NRG3: variants seen among roughly 807,000 people sequenced by gnomAD.
NRG3 encodes neuregulin 3.
Under a neutral mutation model 66.9 loss-of-function variants are expected in NRG3, and 31 were observed. The ratio of observed to expected loss-of-function variants is 0.46; its 90% CI spans 0.35 to 0.63. The LOEUF (loss-of-function observed/expected upper bound fraction) is 0.63, where lower values mean the gene tolerates loss of function less well. Ranked by LOEUF, NRG3 falls within the 20% of genes least tolerant of loss-of-function variation. The pLI is 0.00. For missense variants in NRG3, 910 were observed against 878.9 expected, an observed-to-expected ratio of 1.04 and a Z score of -0.45; for synonymous variants, 393 against 359.4, an observed-to-expected ratio of 1.09 and a Z score of -1.06.
At chr10:82,717,326 A>G (rs2057032483) in intron 2 of NRG3, among the ~76,000 whole-genome samples, 1 of 149,508 alleles carries the variant, frequency 6.7e-6, no homozygotes, top group Admixed American at 6.7e-5. Context: ...CTGTTTCTCT[A>G]GTGGGTCCAT....
intron 1 of NRG3, among the ~76,000 whole-genome samples, chr10:82,128,567 A>T (rs2068607793): frequency 6.6e-6 from 1 of 152,064 alleles, no homozygotes; most frequent in Non-Finnish European, 1.5e-5. Flanking sequence ...TATATCTTTA[A>T]TGCTGCATTG....
chr10:82,977,476 G>A (rs1852396081), intron 7 of NRG3, among the ~76,000 whole-genome samples: 1 of 151,940 alleles, frequency 6.6e-6, no homozygotes, highest in Non-Finnish European at 1.5e-5. Flanking sequence ...TGCCATTGTG[G>A]GGGGCACCTG....
intron 6 of NRG3, among the ~76,000 whole-genome samples, chr10:82,969,342 T>C (rs562868983): frequency 6.6e-6 from 1 of 152,364 alleles, no homozygotes; most frequent in African/African-American, 2.4e-5. Flanking sequence ...ATTCAGGATA[T>C]CATCGCACTT....
At chr10:82,623,498 C>T (rs889339176) in intron 2 of NRG3, among the ~76,000 whole-genome samples, 1 of 152,154 alleles carries the variant, frequency 6.6e-6, no homozygotes. Context: ...ATCCATCCCA[C>T]ACTTTGGCAT....
At chr10:82,367,533 TAAA>T (rs780859860) in intron 2 of NRG3, among the ~76,000 whole-genome samples, 5 of 152,092 alleles carry the variant, frequency 3.3e-5, no homozygotes, top group Non-Finnish European at 7.4e-5. Flanking sequence ...TTTAAAAAGA[TAAA>T]AATCTTTTTA....
intron 4 of NRG3, among the ~76,000 whole-genome samples, chr10:82,918,847 A>G (rs567535919): frequency 5.9e-4 from 90 of 152,324 alleles, no homozygotes; most frequent in Non-Finnish European, 9.8e-4. Flanking sequence ...TAATTTTTTT[A>G]GATTAAAAGG....
intron 1 of NRG3, among the ~76,000 whole-genome samples, chr10:82,316,273 C>T (rs929603172): frequency 7.2e-5 from 11 of 152,132 alleles, no homozygotes; most frequent in African/African-American, 2.4e-4. Context: ...AAGATTATAG[C>T]AATCAATGTG....
rs1008555112 is a variant in NRG3 at position 82,166,335 on chromosome 10, T to C, written c.824-192404T>C. Among the ~76,000 whole-genome samples the C allele has an allele frequency of 5.9e-5, 9 of 152,298 alleles. No individual in the cohort carries two copies. The South Asian group carries it at 1.9e-3, about 32-fold the overall frequency. On this transcript the variant is annotated intron_variant, in intron 1 of 8. Coordinates refer to ENST00000372141, the MANE Select transcript of NRG3 (RefSeq NM_001010848.4). ...GGTCCGGCCTGATTGAATTTTTTAA[T>C]GATTCCATATTATGTTCTTTGTTGA...
intron 1 of NRG3, among the ~76,000 whole-genome samples, chr10:82,046,122 T>G (rs77461832): frequency 0.92 from 127,590 of 139,360 alleles, 58,901 homozygotes; most frequent in South Asian, 0.99. Flanking sequence ...TTGGTAGCTT[T>G]ATGGGGATGG....
chr10:81,927,266 C>T lies in NRG3; in HGVS notation c.823+51103C>T, dbSNP rs528765613. ...TTTTTCTGTTTCTCTTTTTTTCTTG[C>T]CTTCATAAACTGAATTATTAATATC... On this transcript the variant is annotated intron_variant, in intron 1 of 8. Transcript: ENST00000372141. 3.9e-4 allele frequency among the ~76,000 whole-genome samples: 60 copies of T among 152,156 alleles called. 1 individual carries two copies. Among genetic ancestry groups the T allele is most frequent in the African/African-American group, 1.3e-3 (56 of 41,510 alleles).
At chr10:82,277,099 C>T (rs904946543) in intron 1 of NRG3, among the ~76,000 whole-genome samples, 1 of 152,094 alleles carries the variant, frequency 6.6e-6, no homozygotes. Flanking sequence ...TACTTTCTTT[C>T]ATGTCAGGCT....
intron 1 of NRG3, among the ~76,000 whole-genome samples, chr10:82,076,499 A>G (rs1020513315): frequency 6.6e-6 from 1 of 152,224 alleles, no homozygotes; most frequent in Non-Finnish European, 1.5e-5. Flanking sequence ...TGTTTCCGTC[A>G]AATCTCATGT....
In NRG3 at chr10:82,074,670, C is replaced by A. The variant is rs141463887; in HGVS notation, c.823+198507C>A. Among the ~76,000 whole-genome samples, 188 of 152,086 alleles carry A rather than the reference C, an allele frequency of 1.2e-3. 3 individuals carry two copies. In the East Asian group the frequency reaches 0.033, roughly 27 times the overall value. ...CATAGCAAGACTCTCTCTCTACAAA[C>A]AAAGTTTTAAAAAAAGATTAGCTGG... On this transcript the variant is annotated intron_variant, in intron 1 of 8. Transcript: ENST00000372141.
At chr10:82,504,858 C>T (rs1844526830) in intron 2 of NRG3, among the ~76,000 whole-genome samples, 1 of 151,964 alleles carries the variant, frequency 6.6e-6, no homozygotes, top group Non-Finnish European at 1.5e-5. Flanking sequence ...CTCTATACAT[C>T]ACACTTTTTT....
intron 1 of NRG3, among the ~76,000 whole-genome samples, chr10:82,016,207 A>G (rs2061779802): frequency 6.6e-6 from 1 of 152,018 alleles, no homozygotes. Flanking sequence ...AATGCAGTAG[A>G]AGTGTTATAA....
chr10:82,247,345 G>T (rs1433198414), intron 1 of NRG3, among the ~76,000 whole-genome samples: 1 of 152,114 alleles, frequency 6.6e-6, no homozygotes, highest in Non-Finnish European at 1.5e-5. Flanking sequence ...TTCCTGTGTG[G>T]GCTCTCTTCT....
At chr10:81,877,799 CAGG>C (rs1841809258) in intron 1 of NRG3, 7 of 1,380,164 alleles carry the variant, frequency 5.1e-6, no homozygotes, top group Non-Finnish European at 6.5e-6. Flanking sequence ...CACATTTTCC[CAGG>C]AGGTGTTTAG....
At chr10:82,694,164 G>A (rs908282895) in intron 2 of NRG3, among the ~76,000 whole-genome samples, 1 of 148,744 alleles carries the variant, frequency 6.7e-6, no homozygotes, top group Non-Finnish European at 1.5e-5. Flanking sequence ...CAGAGCGCTG[G>A]TTGGTGCGTT....
rs116240234 is a variant in NRG3 at position 82,934,095 on chromosome 10, C to A, written c.1055-17374C>A. Reference sequence around the variant, plus strand: ...AAATTCCTTCAGGGTCAGGAAGAACCAGATATCAAAGAATCAGAAATACAA... The same window carrying A: ...AAATTCCTTCAGGGTCAGGAAGAACAAGATATCAAAGAATCAGAAATACAA... On this transcript the variant is annotated intron_variant, in intron 4 of 8. Transcript: ENST00000372141. 3.5e-3 allele frequency among the ~76,000 whole-genome samples: 534 copies of A among 152,204 alleles called. 8 individuals are homozygous for A. Among genetic ancestry groups the A allele is most frequent in the African/African-American group, 0.012 (503 of 41,516 alleles).
Sources: allele counts gnomAD v4.1 joint callset (sites outside exome capture counted in the v4.1 genomes callset), GRCh38; gene constraint gnomAD v4.1.1; transcripts MANE v1.5; gene names NCBI Gene and HGNC (gene_info 2026-07-23, HGNC 2026-07-21).